The following PASK variants were observed in gnomAD, a reference collection of about 807,000 sequenced individuals.
PASK encodes PAS domain-containing serine/threonine-protein kinase.
A neutral mutation model predicts 121.0 loss-of-function variants in PASK; 110 were observed. The ratio of observed to expected loss-of-function variants is 0.91; its 90% CI spans 0.78 to 1.06. PASK has a LOEUF of 1.06. Among genes scored for constraint, PASK ranks in the 50% least tolerant of loss-of-function variants. The pLI is 0.00. For missense variants in PASK, 1,643 were observed against 1,702.3 expected (o/e 0.97, Z 0.61); for synonymous variants, 686 against 717.8 (o/e 0.96, Z 0.71).
Position 241,137,944 on chromosome 2 carries a change from G to A in PASK, c.876+9C>T, listed in dbSNP as rs768538573. 1.9e-6 allele frequency: 3 copies of A among 1,614,106 alleles called. No individual in the cohort carries two copies. Among genetic ancestry groups the A allele is most frequent in the South Asian group, 2.2e-5 (2 of 91,086 alleles). On this transcript the variant is annotated intron_variant, in intron 6 of 17. Coordinates refer to ENST00000234040, the MANE Select transcript of PASK (RefSeq NM_015148.4). Reference sequence around the variant, plus strand: ...CCCATCACACAGTGCGGGAGGTCAGGAGCCCTACCTTTGGGATGTGCTGGC... The same window carrying A: ...CCCATCACACAGTGCGGGAGGTCAGAAGCCCTACCTTTGGGATGTGCTGGC...
intron 12 of PASK, among the ~76,000 whole-genome samples, chr2:241,115,957 C>A (rs1198126293): frequency 1.1e-5 from 1 of 92,250 alleles, no homozygotes; most frequent in Non-Finnish European, 1.8e-5. Flanking sequence ...CCCATTACGC[C>A]GGGGCCACCT....
rs1055792150 is a variant in PASK at position 241,113,771 on chromosome 2, C to G, written c.3333+1272G>C. 1.4e-5 allele frequency: 14 copies of G among 985,338 alleles called. No individual in the cohort carries two copies. In the African/African-American group the frequency reaches 2.1e-4, roughly 15 times the overall value. 61.0% of individuals were successfully genotyped at this position (985,338 alleles called of 1,614,324 possible). On this transcript the variant is annotated intron_variant, in intron 14 of 17. Transcript: ENST00000234040. Reference sequence around the variant, plus strand: ...CTGGACTGGCCATGCTGCCCTGGAGCGGCCTGAACCAAGCCAGGGCTGTTC... The same window carrying G: ...CTGGACTGGCCATGCTGCCCTGGAGGGGCCTGAACCAAGCCAGGGCTGTTC...
chr2:241,116,135 C>A (rs7609226), intron 12 of PASK, among the ~76,000 whole-genome samples: 16,553 of 123,164 alleles, frequency 0.13, 2,425 homozygotes, highest in East Asian at 0.37. Flanking sequence ...TACACCAGGG[C>A]CACCCAGTCC....
chr2:241,132,519 ACT>A (rs1365987739), intron 9 of PASK, among the ~76,000 whole-genome samples: 3 of 116,090 alleles, frequency 2.6e-5, no homozygotes, highest in African/African-American at 1.1e-4. Context: ...ACACAGCGAG[ACT>A]CTGTCTAAAA....
intron 9 of PASK, among the ~76,000 whole-genome samples, chr2:241,128,732 GAC>G (rs1029948309): frequency 6.6e-6 from 1 of 152,102 alleles, no homozygotes; most frequent in Non-Finnish European, 1.5e-5. Context: ...CCAGCGTGGT[GAC>G]ACACACCTGT....
intron 8 of PASK, among the ~76,000 whole-genome samples, chr2:241,134,966 A>AC (rs1251849178): frequency 2.6e-5 from 4 of 151,938 alleles, no homozygotes; most frequent in African/African-American, 4.8e-5. Context: ...GCGCACCCCC[A>AC]CCCCATGCTT....
intron 15 of PASK, among the ~76,000 whole-genome samples, chr2:241,111,556 C>T (rs1378400792): frequency 6.6e-6 from 1 of 152,236 alleles, no homozygotes; most frequent in African/African-American, 2.4e-5. Context: ...ACAGTCTCCA[C>T]TCAGGCCCTA....
At position 241,112,049 on chromosome 2, in the gene PASK, T is replaced by C. The variant is rs1177125642; in HGVS notation, c.3533+191A>G. Among the ~76,000 whole-genome samples, 1 of 152,098 alleles carries C rather than the reference T, an allele frequency of 6.6e-6. No homozygotes were observed. Among genetic ancestry groups the C allele is most frequent in the Non-Finnish European group, 1.5e-5 (1 of 68,034 alleles). On this transcript the variant is annotated intron_variant, in intron 15 of 17. Coordinates refer to ENST00000234040, the MANE Select transcript of PASK (RefSeq NM_015148.4). This position sits in a 1 kb window ranked among gnomAD's most constrained non-coding sequence, Gnocchi z 5.2. ...GAAAATAAAATTATTAACTCCTATA[T>C]CCATCGCCCAGTGCCTTTGCCCAAT...
intron 5 of PASK, 145 bp downstream of exon 5, chr2:241,138,509 A>G: frequency 1.1e-6 from 1 of 904,952 alleles, no homozygotes. Flanking sequence ...ACACGCAATC[A>G]GCGAGGGTAC....
chr2:241,112,545 CG>C lies in PASK; in HGVS notation c.3334-107del, dbSNP rs2065152902. ...AAAACACAAAGAAAAAATAAACCTCCGACTCATAATGAACTGGGGACAGGAA... is the reference window on the plus strand; with the variant it reads ...AAAACACAAAGAAAAAATAAACCTCCACTCATAATGAACTGGGGACAGGAA... On this transcript the variant is annotated intron_variant, in intron 14 of 17. Coordinates refer to ENST00000234040, the MANE Select transcript of PASK (RefSeq NM_015148.4). This position sits in a 1 kb window ranked among gnomAD's most constrained non-coding sequence, Gnocchi z 5.2. 1.4e-6 allele frequency: 1 copy of C among 715,878 alleles called. No homozygotes were observed. The highest frequency in any genetic ancestry group is 2.3e-6 in the Non-Finnish European group (1 of 432,404). The allele number at this position is 715,878 out of a possible 1,614,324, so 44.3% of individuals were successfully genotyped here. A position where few individuals can be genotyped will look rare whatever the true frequency, so the allele number is the denominator to read the frequency against.
intron 1 of PASK, among the ~76,000 whole-genome samples, chr2:241,146,342 C>G (rs1223829753): frequency 6.6e-6 from 1 of 151,996 alleles, no homozygotes; most frequent in Admixed American, 6.5e-5. Flanking sequence ...GCACTTTTCA[C>G]TTAGATTTAT....
intron 17 of PASK, 126 bp downstream of exon 17, chr2:241,107,227 A>G: frequency 1.1e-6 from 1 of 878,646 alleles, no homozygotes; most frequent in Admixed American, 1.7e-5. Flanking sequence ...AGGCCCTGAC[A>G]TTTGTGTCCA....
intron 7 of PASK, among the ~76,000 whole-genome samples, chr2:241,136,800 G>C (rs1203844938): frequency 6.6e-6 from 1 of 152,362 alleles, no homozygotes; most frequent in South Asian, 2.1e-4. Flanking sequence ...CCCTCCGACG[G>C]TGGTTGCTGG....
Position 241,140,662 on chromosome 2 carries a change from C to T in PASK, c.288G>A (p.Thr96=). ...KLHCPAAPEH[T]DPSEPRGSVS... is the part of the protein sequence containing the mutation. ...CACTGCCCCGCGGTTCGGACGGGTC[C>T]GTGTGCTCAGGGGCAGCAGGGCAGT... The change falls in exon 3 of 18, where the codon ACG becomes ACA. Residue 96 remains threonine (T), a synonymous_variant. Coordinates refer to ENST00000234040, the MANE Select transcript of PASK (RefSeq NM_015148.4). 3.7e-6 allele frequency: 6 copies of T among 1,614,054 alleles called. No individual in the cohort carries two copies. Among genetic ancestry groups the T allele is most frequent in the Non-Finnish European group, 4.2e-6 (5 of 1,179,912 alleles).
At position 241,137,252 on chromosome 2, in the gene PASK, G is replaced by A; in HGVS notation, c.889C>T (p.Gln297Ter). The change falls in exon 7 of 18, where the codon CAG (glutamine) becomes TAG (stop). Residue 297 changes from glutamine to a stop codon, truncating the protein, a stop_gained. Transcript: ENST00000234040. LOFTEE classifies it high-confidence loss of function. The part of the protein sequence containing the change: ...GQHIPKNLKI[Q>*]RSVGRARDGT... ...TCCCTGGCTCTTCCAACAGACCTCT[G>A]AATCTTGAGATTCTGAAAGAAAGGC... The A allele has an allele frequency of 2.5e-6, 4 of 1,613,440 alleles. No individual in the cohort carries two copies. Among genetic ancestry groups the A allele is most frequent in the Non-Finnish European group, 3.4e-6 (4 of 1,179,354 alleles).
intron 12 of PASK, among the ~76,000 whole-genome samples, chr2:241,115,817 AG>A (rs1158740524): frequency 1.6e-4 from 16 of 98,920 alleles, no homozygotes; most frequent in African/African-American, 1.8e-4. Flanking sequence ...CCGTTACACC[AG>A]GGGCCACCCA....
At chr2:241,140,211 GC>G (rs2066639070) in intron 3 of PASK, among the ~76,000 whole-genome samples, 156 bp from the exon 4 acceptor site, 6 of 108,084 alleles carry the variant, frequency 5.6e-5, no homozygotes, top group African/African-American at 2.7e-4. Context: ...CGCAATCAGA[GC>G]TCACTGCAGC....
intron 8 of PASK, among the ~76,000 whole-genome samples, 183 bp downstream of exon 8, chr2:241,135,688 C>T (rs1002370829): frequency 5.3e-5 from 8 of 151,768 alleles, no homozygotes; most frequent in Non-Finnish European, 1.2e-4. Flanking sequence ...AAGAATATGT[C>T]ACAGCCCCCG....
At chr2:241,144,498 A>G (rs1179146982) in intron 1 of PASK, among the ~76,000 whole-genome samples, 1 of 152,120 alleles carries the variant, frequency 6.6e-6, no homozygotes, top group African/African-American at 2.4e-5. Context: ...CACACCCCAT[A>G]TACCCTCTTC....
Sources: allele counts gnomAD v4.1 joint callset (sites outside exome capture counted in the v4.1 genomes callset), GRCh38; gene constraint gnomAD v4.1.1; non-coding constraint Gnocchi (gnomAD v3.1); transcripts MANE v1.5; gene names NCBI Gene and HGNC (gene_info 2026-07-23, HGNC 2026-07-21).